The following TFPI variants were observed in gnomAD, a reference collection of about 807,000 sequenced individuals.
The protein encoded by TFPI is tissue factor pathway inhibitor.
TFPI carries 15 observed loss-of-function variants against 34.6 expected under a neutral mutation model. That is an observed-to-expected ratio of 0.43 (90% CI 0.29 to 0.67). The LOEUF (loss-of-function observed/expected upper bound fraction) is 0.67. Among genes scored for constraint, TFPI ranks in the 30% least tolerant of loss-of-function variants. The pLI is 0.15. For synonymous variants in TFPI, 105 were observed against 120.1 expected, an observed-to-expected ratio of 0.87 and a Z score of 0.82; for missense variants, 301 against 364.0, an observed-to-expected ratio of 0.83 and a Z score of 1.41.
intron 3 of TFPI, among the ~76,000 whole-genome samples, chr2:187,493,065 C>T (rs1685229159): frequency 6.6e-6 from 1 of 152,126 alleles, no homozygotes; most frequent in Admixed American, 6.6e-5. Flanking sequence ...GGGTCTGACT[C>T]TACATTTCCC....
rs760791091 is a variant in TFPI at position 187,497,060 on chromosome 2, A to G, written c.140T>C (p.Leu47Pro). The G allele has an allele frequency of 2.5e-6, 4 of 1,612,770 alleles. No homozygotes were observed. The highest frequency in any genetic ancestry group is 1.6e-4 in the Middle Eastern group (1 of 6,076). The change falls in exon 3 of 8, where the codon CTG becomes CCG. Residue 47 changes from leucine to proline, a missense_variant. Leu to Pro is a moderately conservative substitution (Grantham distance 98). Transcript: ENST00000233156. Reference sequence around the variant, plus strand: ...TGCACAAAATGAATGCATAAGTTTCAGTGGTGGCAACTCCGTATCTATAAA... The same window carrying G: ...TGCACAAAATGAATGCATAAGTTTCGGTGGTGGCAACTCCGTATCTATAAA... The part of the protein sequence containing the change: ...TIITDTELPP[L>P]KLMHSFCAFK...
chr2:187,550,395 C>G (rs1271172714), intron 1 of TFPI, among the ~76,000 whole-genome samples: 1 of 152,082 alleles, frequency 6.6e-6, no homozygotes, highest in Non-Finnish European at 1.5e-5. Flanking sequence ...ATAGAATAAA[C>G]AATTCTCTGG....
At position 187,471,821 on chromosome 2, in the gene TFPI, A is replaced by C. The variant is rs8176574; in HGVS notation, c.629-3889T>G. Among the ~76,000 whole-genome samples, 462 of 152,156 alleles carry C rather than the reference A, an allele frequency of 3.0e-3. 3 individuals carry two copies. The highest frequency in any genetic ancestry group is 0.011 in the African/African-American group (443 of 41,552). The stretch of plus-strand genomic sequence containing the variant: ...ATTCACTTTGAATCTTTACTGTGGT[A>C]TCTTTTTTATGATTCCCATTTGGCT... On this transcript the variant is annotated intron_variant, in intron 6 of 7. Transcript: ENST00000233156.
chr2:187,544,845 T>G (rs936400074), intron 1 of TFPI, among the ~76,000 whole-genome samples: 5 of 152,222 alleles, frequency 3.3e-5, no homozygotes, highest in African/African-American at 1.2e-4. Flanking sequence ...CCAGGTGCAG[T>G]GACTCACATC....
At chr2:187,509,155 C>T (rs1686443955) in intron 1 of TFPI, among the ~76,000 whole-genome samples, 2 of 152,110 alleles carry the variant, frequency 1.3e-5, no homozygotes, top group Admixed American at 1.3e-4. Flanking sequence ...CCGACTTGAT[C>T]GTGGTGGATA....
chr2:187,514,806 T>C (rs879888640), intron 1 of TFPI: 1 of 152,220 alleles, frequency 6.6e-6, no homozygotes, highest in Non-Finnish European at 1.5e-5. Flanking sequence ...TCTATTTAGA[T>C]GCAATTGGAA....
intron 1 of TFPI, among the ~76,000 whole-genome samples, chr2:187,539,077 CTAAA>C (rs1228964095): frequency 1.4e-5 from 1 of 71,582 alleles, no homozygotes; most frequent in African/African-American, 5.4e-5. Context: ...GTACCTTTGC[CTAAA>C]TAGAGTGTGT....
chr2:187,512,688 G>T (rs993908417), intron 1 of TFPI, among the ~76,000 whole-genome samples: 11 of 151,978 alleles, frequency 7.2e-5, no homozygotes, highest in African/African-American at 2.7e-4. Context: ...TAATCTTGTG[G>T]CCTTAGACAG....
chr2:187,514,964 TA>T (rs1240202489), intron 1 of TFPI: 2 of 152,336 alleles, frequency 1.3e-5, no homozygotes, highest in African/African-American at 4.8e-5. Context: ...TTTCATGAGT[TA>T]AAAGAAAAAC....
At chr2:187,526,036 A>G (rs1444030497) in intron 1 of TFPI, among the ~76,000 whole-genome samples, 1 of 152,180 alleles carries the variant, frequency 6.6e-6, no homozygotes, top group African/African-American at 2.4e-5. Flanking sequence ...GATTAAATAT[A>G]AAAGAATTAG....
intron 2 of TFPI, 79 bp downstream of exon 2, chr2:187,503,569 G>A: frequency 6.6e-7 from 1 of 1,516,780 alleles, no homozygotes; most frequent in Non-Finnish European, 8.9e-7. Context: ...CCTCCACAAT[G>A]GAAAACTATG....
intron 3 of TFPI, among the ~76,000 whole-genome samples, chr2:187,494,213 C>G (rs188891791): frequency 8.7e-6 from 1 of 115,320 alleles, no homozygotes; most frequent in East Asian, 2.8e-4. Flanking sequence ...TCAATCATTT[C>G]CCACCAGTCC....
At chr2:187,478,404 A>G (rs7598858) in intron 6 of TFPI, among the ~76,000 whole-genome samples, 50,393 of 151,898 alleles carry the variant, frequency 0.33, 8,752 homozygotes, top group African/African-American at 0.42. Context: ...AAACAAAAAC[A>G]AATAGTTGAT....
intron 1 of TFPI, chr2:187,519,718 C>T (rs1285463940): frequency 2.0e-5 from 3 of 152,328 alleles, no homozygotes; most frequent in South Asian, 4.1e-4. Flanking sequence ...CAGGCAGGTA[C>T]ATTTAAGTCT....
chr2:187,504,233 T>C (rs1252354545), intron 1 of TFPI, among the ~76,000 whole-genome samples: 2 of 152,172 alleles, frequency 1.3e-5, no homozygotes, highest in Non-Finnish European at 2.9e-5. Context: ...TTCCCTCTGC[T>C]CTAGTTCTTC....
intron 1 of TFPI, among the ~76,000 whole-genome samples, chr2:187,533,438 C>T (rs1688077622): frequency 6.6e-6 from 1 of 152,142 alleles, no homozygotes; most frequent in African/African-American, 2.4e-5. Context: ...TGGAGTGGAC[C>T]TCAAGCAAAC....
intron 1 of TFPI, among the ~76,000 whole-genome samples, chr2:187,534,507 A>G (rs1688136415): frequency 6.6e-6 from 1 of 152,220 alleles, no homozygotes; most frequent in South Asian, 2.1e-4. Context: ...TATTTTACAG[A>G]CAAGCAAATG....
chr2:187,475,717 C>T (rs997735174), intron 6 of TFPI, among the ~76,000 whole-genome samples: 3 of 152,058 alleles, frequency 2.0e-5, no homozygotes, highest in Non-Finnish European at 4.4e-5. Flanking sequence ...AATTAAAAAC[C>T]ACATCTTTCT....
chr2:187,484,421 G>C (rs961846369), intron 5 of TFPI: 13 of 553,826 alleles, frequency 2.3e-5, no homozygotes, highest in Non-Finnish European at 3.5e-5. Flanking sequence ...AAAAAGCGTA[G>C]CAGTTAATGT....
Sources: allele counts gnomAD v4.1 joint callset (sites outside exome capture counted in the v4.1 genomes callset), GRCh38; gene constraint gnomAD v4.1.1; transcripts MANE v1.5; gene names NCBI Gene and HGNC (gene_info 2026-07-23, HGNC 2026-07-21).